The following AMPH variants were observed in gnomAD, a reference collection of about 807,000 sequenced individuals.
The protein encoded by AMPH is amphiphysin.
AMPH carries 49 observed loss-of-function variants against 99.1 expected under a neutral mutation model. The ratio of observed to expected loss-of-function variants is 0.49; its 90% confidence interval spans 0.39 to 0.63. The LOEUF (loss-of-function observed/expected upper bound fraction) is 0.63, where lower values mean the gene tolerates loss of function less well. Among genes scored for constraint, AMPH ranks in the 20% least tolerant of loss-of-function variants. AMPH has a pLI of 0.00. For synonymous variants in AMPH, 314 were observed against 317.3 expected (o/e 0.99, Z 0.11); for missense variants, 759 against 863.4 (o/e 0.88, Z 1.52).
chr7:38,616,176 T>C (rs1793866066), intron 1 of AMPH, among the ~76,000 whole-genome samples: 1 of 152,186 alleles, frequency 6.6e-6, no homozygotes, highest in Non-Finnish European at 1.5e-5. Flanking sequence ...GAGTTTAAAA[T>C]GGTGACCACT....
chr7:38,497,646 C>T (rs572436585), intron 3 of AMPH, among the ~76,000 whole-genome samples: 30 of 152,214 alleles, frequency 2.0e-4, no homozygotes, highest in Non-Finnish European at 2.9e-4. Flanking sequence ...CAAGCAGCAG[C>T]GATAAACCAT....
intron 11 of AMPH, among the ~76,000 whole-genome samples, chr7:38,443,897 C>G (rs1035107723): frequency 6.6e-6 from 1 of 150,516 alleles, no homozygotes; most frequent in African/African-American, 2.4e-5. Flanking sequence ...GAGAAGTAAA[C>G]TTTCTTTATT....
At chr7:38,611,501 C>T (rs111444171) in intron 1 of AMPH, among the ~76,000 whole-genome samples, 1,533 of 152,266 alleles carry the variant, frequency 0.01, 21 homozygotes, top group Non-Finnish European at 0.015. Context: ...AAGACGTAAA[C>T]ATCTCTTATC....
At chr7:38,565,101 G>A (rs1461737649) in intron 1 of AMPH, among the ~76,000 whole-genome samples, 23 of 148,478 alleles carry the variant, frequency 1.5e-4, no homozygotes, top group Admixed American at 6.1e-4. Flanking sequence ...TCCAGCCTGG[G>A]TGACAGAGCG....
chr7:38,527,921 C>G (rs1395471372), intron 2 of AMPH, among the ~76,000 whole-genome samples: 1 of 152,122 alleles, frequency 6.6e-6, no homozygotes, highest in Non-Finnish European at 1.5e-5. Flanking sequence ...TAATTCTCTT[C>G]TATTCGTAAC....
intron 11 of AMPH, among the ~76,000 whole-genome samples, chr7:38,461,016 GAT>G (rs1787417800): frequency 6.6e-6 from 1 of 151,884 alleles, no homozygotes; most frequent in Non-Finnish European, 1.5e-5. Flanking sequence ...TTAAAAATAA[GAT>G]AAATTATTCA....
intron 1 of AMPH, among the ~76,000 whole-genome samples, chr7:38,619,861 A>G (rs141462533): frequency 2.6e-5 from 4 of 152,308 alleles, no homozygotes; most frequent in African/African-American, 9.6e-5. Flanking sequence ...CCATTTTCCT[A>G]GAGACTCTCA....
At chr7:38,435,044 A>T (rs985243644) in intron 12 of AMPH, among the ~76,000 whole-genome samples, 1 of 152,214 alleles carries the variant, frequency 6.6e-6, no homozygotes, top group African/African-American at 2.4e-5. Flanking sequence ...CAGTTTTTTT[A>T]AATTGCAGAA....
intron 1 of AMPH, among the ~76,000 whole-genome samples, chr7:38,622,454 T>TACACACACACACAC (rs57860314): frequency 8.7e-5 from 13 of 149,732 alleles, no homozygotes; most frequent in African/African-American, 3.2e-4. Context: ...TATGAATACA[T>TACACACACACACAC]ACACACACAC....
Position 38,389,620 on chromosome 7 carries a change from A to G in AMPH, c.1980+184T>C, listed in dbSNP as rs556171456. On this transcript the variant is annotated intron_variant, in intron 20 of 20. Transcript: ENST00000356264. ...GTATTATATAAAAAAAGAATGCAAC[A>G]GCATCCCAAAAGGGTGTCCTAGAAA... 8.3e-4 allele frequency among the ~76,000 whole-genome samples: 126 copies of G among 152,374 alleles called. 1 individual carries two copies. The highest frequency in any genetic ancestry group is 1.5e-3 in the Admixed American group (23 of 15,306).
chr7:38,418,040 T>C (rs1785448222), intron 16 of AMPH, 90 bp from the exon 17 acceptor site: 1 of 1,431,716 alleles, frequency 7.0e-7, no homozygotes, highest in Non-Finnish European at 9.4e-7. Context: ...AGATTTTCTT[T>C]GTCATCCCAT....
chr7:38,526,661 G>C (rs1392392451), intron 2 of AMPH, among the ~76,000 whole-genome samples: 1 of 151,726 alleles, frequency 6.6e-6, no homozygotes, highest in Non-Finnish European at 1.5e-5. Context: ...ACGTATTCTG[G>C]ATACTAGTCC....
chr7:38,512,480 G>C (rs1789576750), intron 2 of AMPH, among the ~76,000 whole-genome samples: 1 of 152,184 alleles, frequency 6.6e-6, no homozygotes, highest in Non-Finnish European at 1.5e-5. Flanking sequence ...ATTCACAAGG[G>C]GAAGTGGAAA....
At chr7:38,462,039 G>A (rs1051422257) in intron 10 of AMPH, among the ~76,000 whole-genome samples, 6 of 152,152 alleles carry the variant, frequency 3.9e-5, no homozygotes, top group Non-Finnish European at 7.3e-5. Flanking sequence ...CTCATGAGGC[G>A]GGGCAGTGGC....
At chr7:38,621,846 T>C (rs1187597381) in intron 1 of AMPH, among the ~76,000 whole-genome samples, 1 of 152,194 alleles carries the variant, frequency 6.6e-6, no homozygotes, top group African/African-American at 2.4e-5. Flanking sequence ...TTATACGACA[T>C]CATTCCTCAA....
At chr7:38,571,510 AATATATATTCTATAAAAT>A (rs1200699928) in intron 1 of AMPH, among the ~76,000 whole-genome samples, 2 of 136,336 alleles carry the variant, frequency 1.5e-5, no homozygotes, top group Non-Finnish European at 3.1e-5. Flanking sequence ...TATTCTATAA[AATATATATTCTATAAAAT>A]ATATATATTC....
rs1788302256 is a variant in AMPH, at chr7:38,482,039, A to G, written c.397-5070T>C. On this transcript the variant is annotated intron_variant, in intron 5 of 20. Transcript: ENST00000356264. ...ATTTTCACAGAAAAACTTCTTTCAAATATTAAATACAGCTATCTTCTCACT... is the reference window on the plus strand; with the variant it reads ...ATTTTCACAGAAAAACTTCTTTCAAGTATTAAATACAGCTATCTTCTCACT... 3.9e-5 allele frequency among the ~76,000 whole-genome samples: 6 copies of G among 152,244 alleles called. No homozygotes were observed. In the South Asian group the frequency reaches 1.2e-3, roughly 32 times the overall value.
chr7:38,539,942 T>A (rs758305869), intron 1 of AMPH, among the ~76,000 whole-genome samples: 2 of 152,198 alleles, frequency 1.3e-5, no homozygotes, highest in Non-Finnish European at 2.9e-5. Flanking sequence ...ACTAAAAACA[T>A]CTTTTGCCTT....
intron 1 of AMPH, among the ~76,000 whole-genome samples, chr7:38,600,165 T>G (rs977003428): frequency 2.6e-5 from 4 of 152,210 alleles, no homozygotes. Flanking sequence ...TGCATTTATT[T>G]TATTATTAAT....
Sources: gnomAD v4.1 joint callset for allele counts (sites outside exome capture counted in the v4.1 genomes callset) on GRCh38, gnomAD v4.1.1 for gene constraint, MANE v1.5 for transcripts, NCBI Gene and HGNC (gene_info 2026-07-23, HGNC 2026-07-21) for gene names.